Variants in RBFOX3 observed in about 807,000 individuals in gnomAD.
The protein encoded by RBFOX3 is RNA binding fox-1 homolog 3, also known as RNA binding protein fox-1 homolog 3.
In RBFOX3, 17 loss-of-function variants were observed where a neutral mutation model predicts 48.7. The observed-to-expected ratio is 0.35, with a 90% CI of 0.24 to 0.52. RBFOX3 has a LOEUF of 0.52. Ranked by LOEUF, RBFOX3 falls within the 20% of genes least tolerant of loss-of-function variation. RBFOX3 has a pLI of 0.94. For synonymous variants in RBFOX3, 212 were observed against 209.5 expected (o/e 1.01, Z -0.10); for missense variants, 382 against 497.5 (o/e 0.77, Z 2.21).
chr17:79,610,354 G>A (rs2145560343), intron 1 of RBFOX3, among the ~76,000 whole-genome samples: 1 of 151,882 alleles, frequency 6.6e-6, no homozygotes, highest in South Asian at 2.1e-4. Context: ...CCGGCTGCCT[G>A]CTCGGACGCG....
At chr17:79,386,892 C>A (rs998275104) in intron 2 of RBFOX3, among the ~76,000 whole-genome samples, 1 of 152,240 alleles carries the variant, frequency 6.6e-6, no homozygotes, top group African/African-American at 2.4e-5. Context: ...CATATTTTGA[C>A]ATTTGCTGTC....
chr17:79,290,542 A>G (rs1408449720), intron 3 of RBFOX3, among the ~76,000 whole-genome samples: 3 of 151,762 alleles, frequency 2.0e-5, no homozygotes, highest in Non-Finnish European at 4.4e-5. Flanking sequence ...TGCCGTTGCC[A>G]CGTCCCTTCT....
At chr17:79,339,022 C>T (rs8075657) in intron 2 of RBFOX3, among the ~76,000 whole-genome samples, 75,524 of 151,680 alleles carry the variant, frequency 0.5, 19,009 homozygotes, top group Middle Eastern at 0.57. Flanking sequence ...AATAGAAAAT[C>T]TATTTACCAA....
intron 1 of RBFOX3, among the ~76,000 whole-genome samples, chr17:79,519,232 T>G (rs1451869207): frequency 6.6e-6 from 1 of 152,204 alleles, no homozygotes; most frequent in African/African-American, 2.4e-5. Context: ...GGGCCATCCC[T>G]GGGAGCCTGC....
At chr17:79,265,635 T>C (rs2066562740) in intron 3 of RBFOX3, among the ~76,000 whole-genome samples, 1 of 152,218 alleles carries the variant, frequency 6.6e-6, no homozygotes, top group Non-Finnish European at 1.5e-5. Flanking sequence ...CCCAGGCTGA[T>C]GTTAGCGACT....
the RBFOX3 span, among the ~76,000 whole-genome samples, chr17:79,619,557 G>C: frequency 6.6e-6 from 1 of 152,294 alleles, no homozygotes; most frequent in South Asian, 2.1e-4. Context: ...CCCTGATCCT[G>C]TATGACTTCA....
chr17:79,513,548 G>T (rs1308087243), intron 1 of RBFOX3, among the ~76,000 whole-genome samples: 1 of 152,226 alleles, frequency 6.6e-6, no homozygotes, highest in African/African-American at 2.4e-5. Flanking sequence ...CCCCACAGTG[G>T]GGGCCTTTCT....
chr17:79,574,342 C>T (rs894154915), intron 1 of RBFOX3, among the ~76,000 whole-genome samples: 5 of 152,184 alleles, frequency 3.3e-5, no homozygotes, highest in African/African-American at 4.8e-5. Context: ...GTCACAAAGT[C>T]CCAGCTGCTA....
intron 3 of RBFOX3, among the ~76,000 whole-genome samples, chr17:79,283,020 A>G (rs980733696): frequency 2.0e-5 from 3 of 152,188 alleles, no homozygotes; most frequent in Non-Finnish European, 2.9e-5. Context: ...CCAGCATCAC[A>G]GGCACACAAT....
chr17:79,137,473 CCA>C (rs1417011597), intron 4 of RBFOX3, among the ~76,000 whole-genome samples: 3 of 152,192 alleles, frequency 2.0e-5, no homozygotes, highest in African/African-American at 4.8e-5. Context: ...CCCGACCCCT[CCA>C]CACACACGCG....
the RBFOX3 span, among the ~76,000 whole-genome samples, chr17:79,653,017 GA>G: frequency 2.0e-5 from 3 of 151,852 alleles, no homozygotes; most frequent in African/African-American, 7.3e-5. Flanking sequence ...ATGGAAATCA[GA>G]ATTTAGTGGG....
intron 1 of RBFOX3, among the ~76,000 whole-genome samples, chr17:79,517,649 G>A (rs1436226899): frequency 6.6e-6 from 1 of 152,030 alleles, no homozygotes. Context: ...AAGGTGCAGT[G>A]AAAACCCCAC....
At chr17:79,555,303 GATGGTA>G in intron 1 of RBFOX3, among the ~76,000 whole-genome samples, 2 of 38,584 alleles carry the variant, frequency 5.2e-5, no homozygotes, top group African/African-American at 1.9e-4. Context: ...TGGTGGTGAT[GATGGTA>G]GTTGTGGTGG....
chr17:79,115,096 G>A (rs567988938), intron 5 of RBFOX3, among the ~76,000 whole-genome samples: 1 of 152,366 alleles, frequency 6.6e-6, no homozygotes, highest in South Asian at 2.1e-4. Context: ...CTCTGCCTCT[G>A]CCCTCCGCCC....
chr17:79,387,598 A>C (rs1341113909), intron 2 of RBFOX3, among the ~76,000 whole-genome samples: 1 of 152,220 alleles, frequency 6.6e-6, no homozygotes. Flanking sequence ...CCCCAAGCCA[A>C]ATACAAATGA....
At position 79,388,494 on chromosome 17, in the gene RBFOX3, G is replaced by T. The variant is rs554009041; in HGVS notation, c.-174-80670C>A. On this transcript the variant is annotated intron_variant, in intron 2 of 14. Transcript: ENST00000693108. ...TCCAGATGCCTTCCCACCTGCATGC[G>T]CCTTACTTAGTCACCAAAGGCAGGC... Among the ~76,000 whole-genome samples, 4 of 152,268 alleles carry T rather than the reference G, an allele frequency of 2.6e-5. No individual in the cohort carries two copies. In the South Asian group the frequency reaches 8.3e-4, roughly 32 times the overall value.
intron 1 of RBFOX3, among the ~76,000 whole-genome samples, chr17:79,496,712 T>A (rs2081590406): frequency 6.6e-6 from 1 of 152,062 alleles, no homozygotes; most frequent in African/African-American, 2.4e-5. Flanking sequence ...ATTAGAGCTC[T>A]CCTAGAGACG....
the RBFOX3 span, among the ~76,000 whole-genome samples, chr17:79,618,189 G>A: frequency 1.3e-5 from 2 of 152,276 alleles, no homozygotes; most frequent in Admixed American, 6.5e-5. Flanking sequence ...GGGGAGCGGC[G>A]ATAGCCTAAA....
chr17:79,349,486 C>T (rs151231753), intron 2 of RBFOX3, among the ~76,000 whole-genome samples: 10 of 152,086 alleles, frequency 6.6e-5, no homozygotes, highest in Admixed American at 1.3e-4. Context: ...CTCACCCTCC[C>T]GGTCCCTATT....
Sources: allele counts gnomAD v4.1 joint callset (sites outside exome capture counted in the v4.1 genomes callset), GRCh38; gene constraint gnomAD v4.1.1; transcripts MANE v1.5; gene names NCBI Gene and HGNC (gene_info 2026-07-23, HGNC 2026-07-21).